The following WLS variants were observed in gnomAD, a reference collection of about 807,000 sequenced individuals.
WLS encodes the protein protein wntless homolog.
In WLS, 23 loss-of-function variants were observed where a neutral mutation model predicts 62.8. The observed-to-expected ratio is 0.37, with a 90% CI of 0.26 to 0.52. The LOEUF is 0.52. WLS is among the 20% of genes least tolerant of loss of function. The pLI is 0.92. For missense variants in WLS, 615 were observed against 697.3 expected (o/e 0.88, Z 1.33); for synonymous variants, 246 against 244.1 (o/e 1.01, Z -0.07).
intron 3 of WLS, among the ~76,000 whole-genome samples, chr1:68,156,465 G>A (rs1646901037): frequency 6.6e-6 from 1 of 152,096 alleles, no homozygotes; most frequent in Non-Finnish European, 1.5e-5. Flanking sequence ...TGGCTGGTGG[G>A]GAGGGTTCCT....
At chr1:68,195,969 A>C (rs1034551023) in intron 1 of WLS, among the ~76,000 whole-genome samples, 5 of 151,974 alleles carry the variant, frequency 3.3e-5, no homozygotes, top group African/African-American at 1.2e-4. Context: ...TATGTATGTA[A>C]GCATGTTTCT....
intron 11 of WLS, among the ~76,000 whole-genome samples, chr1:68,128,503 C>T (rs913538570): frequency 1.2e-4 from 19 of 152,134 alleles, no homozygotes; most frequent in African/African-American, 4.1e-4. Context: ...CACTCATAAC[C>T]GTTTACCTAA....
intron 2 of WLS, among the ~76,000 whole-genome samples, chr1:68,185,708 C>A (rs144197836): frequency 3.9e-5 from 6 of 152,244 alleles, no homozygotes; most frequent in African/African-American, 1.4e-4. Context: ...GAAACCGGTC[C>A]CTGGTGCCCA....
intron 11 of WLS, among the ~76,000 whole-genome samples, chr1:68,132,737 C>A (rs139658096): frequency 7.7e-4 from 116 of 151,416 alleles, no homozygotes; most frequent in African/African-American, 2.7e-3. Flanking sequence ...TGTCTCACTT[C>A]TTTTTTTAAA....
intron 1 of WLS, among the ~76,000 whole-genome samples, chr1:68,207,010 C>G (rs147375486): frequency 6.6e-6 from 1 of 152,148 alleles, no homozygotes; most frequent in Non-Finnish European, 1.5e-5. Context: ...CGTTCTGTTA[C>G]TGTTTGGGAT....
At position 68,206,048 on chromosome 1, in the gene WLS, G is replaced by A. The variant is rs74081609; in HGVS notation, c.107-11821C>T. 7.8e-3 allele frequency among the ~76,000 whole-genome samples: 1,184 copies of A among 152,286 alleles called. 17 individuals are homozygous for A. Among genetic ancestry groups the A allele is most frequent in the African/African-American group, 0.027 (1,125 of 41,536 alleles). ...GGCAGTTTTTACTAGAGGAAAGAGCGATGTAGGATGAACAATTTACTGTCC... is the reference window on the plus strand; with the variant it reads ...GGCAGTTTTTACTAGAGGAAAGAGCAATGTAGGATGAACAATTTACTGTCC... On this transcript the variant is annotated intron_variant, in intron 1 of 11. Coordinates refer to ENST00000262348, the MANE Select transcript of WLS (RefSeq NM_024911.7).
rs747286814 is a variant in WLS at position 68,148,569 on chromosome 1, C to T, written c.1064G>A (p.Cys355Tyr). ...CCCACAAACACTTGCTCACCTCTCA[C>T]ACATGTCAAATATGAAGAGGCAGAA... ...GSFCLFIFDM[C>Y]ERGVQLTNPF... Residue 355 changes from cysteine (C) to tyrosine (Y), a missense_variant, in exon 7 of 12, where the codon TGT becomes TAT. By Grantham distance (194) the Cys-to-Tyr change is radical. Coordinates refer to ENST00000262348, the MANE Select transcript of WLS (RefSeq NM_024911.7). The T allele has an allele frequency of 5.6e-6, 9 of 1,613,830 alleles. No homozygotes were observed. The highest frequency in any genetic ancestry group is 7.6e-6 in the Non-Finnish European group (9 of 1,179,970).
chr1:68,226,187 C>A (rs2100669514), intron 1 of WLS, among the ~76,000 whole-genome samples: 1 of 152,276 alleles, frequency 6.6e-6, no homozygotes, highest in East Asian at 1.9e-4. Context: ...TGTTTCCCTG[C>A]ATTCAGATTT....
chr1:68,184,974 A>G (rs1341379749), intron 2 of WLS, among the ~76,000 whole-genome samples: 1 of 152,114 alleles, frequency 6.6e-6, no homozygotes, highest in Non-Finnish European at 1.5e-5. Context: ...TTTGATTCCC[A>G]CTCCACTCAT....
chr1:68,137,784 G>T lies in WLS; in HGVS notation c.1512C>A (p.Ser504=). 1 of 1,613,614 alleles carries T rather than the reference G, an allele frequency of 6.2e-7. No homozygotes were observed. Among genetic ancestry groups the T allele is most frequent in the Non-Finnish European group, 8.5e-7 (1 of 1,179,724 alleles). The change falls in exon 11 of 12, where the codon TCC becomes TCA. Residue 504 remains serine (S), a synonymous_variant. Transcript: ENST00000262348. ...PSHKNYGEDQ[S]NGDLGVHSGE... ...TCTAAAGAGACAGAAACTCACCATTGGACTGGTCTTCTCCATAGTTTTTAT... is the reference window on the plus strand; with the variant it reads ...TCTAAAGAGACAGAAACTCACCATTTGACTGGTCTTCTCCATAGTTTTTAT...
chr1:68,129,060 C>A (rs1416616734), intron 11 of WLS, among the ~76,000 whole-genome samples: 1 of 152,144 alleles, frequency 6.6e-6, no homozygotes, highest in Admixed American at 6.5e-5. Context: ...TGCGGTGGCT[C>A]ACATCTGTAA....
chr1:68,155,351 T>G, intron 3 of WLS, 91 bp from the exon 4 acceptor site: 2 of 1,451,760 alleles, frequency 1.4e-6, no homozygotes, highest in South Asian at 2.8e-5. Context: ...ACATCAATTG[T>G]AAGCAGCTAA....
chr1:68,188,638 G>A (rs1648109024), intron 2 of WLS, among the ~76,000 whole-genome samples: 1 of 152,210 alleles, frequency 6.6e-6, no homozygotes, highest in Admixed American at 6.5e-5. Flanking sequence ...AATTTGGGAT[G>A]TTGTGAAGAA....
intron 11 of WLS, among the ~76,000 whole-genome samples, chr1:68,128,055 C>A (rs1199575295): frequency 6.6e-6 from 1 of 152,210 alleles, no homozygotes; most frequent in Non-Finnish European, 1.5e-5. Flanking sequence ...TCATTGGCTG[C>A]TGCAGAGGAC....
At chr1:68,145,278 G>A (rs1646737862) in intron 9 of WLS, among the ~76,000 whole-genome samples, 2 of 152,184 alleles carry the variant, frequency 1.3e-5, no homozygotes, top group South Asian at 4.1e-4. Context: ...TCCAAGGACA[G>A]CCACTTAGGC....
Position 68,126,241 on chromosome 1 carries a change from C to A in WLS, c.1611G>T (p.Lys537Asn), listed in dbSNP as rs1319499255. ...GPTEIYKLTR[K>N]EAQE is the part of the protein sequence containing the mutation. ...CTGCAGCCTCCTACTCCTGGGCCTC[C>A]TTGCGGGTCAACTTGTAGATCTCAG... Residue 537 changes from lysine to asparagine, a missense_variant, in exon 12 of 12, where the codon AAG becomes AAT. Lys to Asn is a moderately conservative substitution (Grantham distance 94). Transcript: ENST00000262348. 6.2e-7 allele frequency: 1 copy of A among 1,614,168 alleles called. No individual in the cohort carries two copies. The highest frequency in any genetic ancestry group is 8.5e-7 in the Non-Finnish European group (1 of 1,180,032).
intron 2 of WLS, among the ~76,000 whole-genome samples, chr1:68,191,424 T>G (rs1648296695): frequency 6.6e-6 from 1 of 152,184 alleles, no homozygotes; most frequent in Non-Finnish European, 1.5e-5. Context: ...AAAAAAATTT[T>G]TAGACATACA....
At chr1:68,100,047 A>G (rs771878052) in intron 11 of WLS, among the ~76,000 whole-genome samples, 1 of 152,260 alleles carries the variant, frequency 6.6e-6, no homozygotes, top group African/African-American at 2.4e-5. Flanking sequence ...AAAAGTTCTC[A>G]GAGAAAACAG....
intron 10 of WLS, among the ~76,000 whole-genome samples, chr1:68,143,644 T>C (rs1031381181): frequency 6.6e-6 from 1 of 152,204 alleles, no homozygotes; most frequent in African/African-American, 2.4e-5. Context: ...AGCAATAGGT[T>C]ACACCATATG....
Sources: allele counts gnomAD v4.1 joint callset (sites outside exome capture counted in the v4.1 genomes callset), GRCh38; gene constraint gnomAD v4.1.1; transcripts MANE v1.5; gene names NCBI Gene and HGNC (gene_info 2026-07-23, HGNC 2026-07-21).